The following PDLIM2 variants were observed in gnomAD, a reference collection of about 807,000 sequenced individuals.
The protein encoded by PDLIM2 is PDZ and LIM domain protein 2.
A neutral mutation model predicts 54.1 loss-of-function variants in PDLIM2; 51 were observed. The ratio of observed to expected loss-of-function variants is 0.94; its 90% CI spans 0.75 to 1.19. PDLIM2 has a LOEUF of 1.19. Ranked by LOEUF, PDLIM2 falls within the 50% of genes most tolerant of loss-of-function variation. The pLI, the probability that PDLIM2 is intolerant of heterozygous loss-of-function variation, is 0.00. For synonymous variants in PDLIM2, 398 were observed against 385.6 expected (o/e 1.03, Z -0.38); for missense variants, 912 against 874.0 (o/e 1.04, Z -0.55).
At chr8:22,590,049 T>G (rs1379476770) in intron 8 of PDLIM2, 1 of 385,994 alleles carries the variant, frequency 2.6e-6, no homozygotes, top group East Asian at 5.2e-5. Flanking sequence ...GGAGGGCTTC[T>G]TGGAGGAAGA....
intron 1 of PDLIM2, chr8:22,579,701 ATGGGTGCTGGGCAGGGTGGTGCCCAGCC>A (rs1417379886): frequency 2.6e-6 from 2 of 775,094 alleles, no homozygotes; most frequent in Non-Finnish European, 3.8e-6. Context: ...CAGCCCCAGG[ATGGGTGCTGGGCAGGGTGGTGCCCAGCC>A]TGGCACCGCG....
At chr8:22,593,937 C>A (rs1265435925) in exon 10 of PDLIM2, 4 of 1,544,006 alleles carry the variant, frequency 2.6e-6, no homozygotes, top group Non-Finnish European at 3.5e-6. Flanking sequence ...GCCTGCCTCA[C>A]TGCTGGGCCA....
At chr8:22,589,191 C>T (rs1482432135) in intron 6 of PDLIM2, 107 bp from the exon 6 acceptor site, 13 of 1,232,952 alleles carry the variant, frequency 1.1e-5, no homozygotes, top group Admixed American at 6.2e-5. Flanking sequence ...CGGCGAGGGC[C>T]GGGGGCCCCC....
chr8:22,583,957 C>G (rs1248074734), intron 3 of PDLIM2, among the ~76,000 whole-genome samples: 1 of 145,044 alleles, frequency 6.9e-6, no homozygotes, highest in African/African-American at 2.5e-5. Flanking sequence ...GTACGTTCTA[C>G]TTTTTAGAAC....
At chr8:22,583,727 A>G (rs1026311535) in intron 3 of PDLIM2, among the ~76,000 whole-genome samples, 1 of 151,946 alleles carries the variant, frequency 6.6e-6, no homozygotes, top group Non-Finnish European at 1.5e-5. Context: ...AGATTGCACC[A>G]CTGCGCTCCA....
chr8:22,584,170 ATT>A (rs573417233), intron 3 of PDLIM2, among the ~76,000 whole-genome samples: 29 of 139,562 alleles, frequency 2.1e-4, no homozygotes, highest in African/African-American at 3.7e-4. Context: ...GCTTGGCTAA[ATT>A]TTTTTTTTTT....
downstream of PDLIM2, chr8:22,594,885 C>A: frequency 2.1e-6 from 1 of 473,206 alleles, no homozygotes; most frequent in Non-Finnish European, 3.7e-6. Flanking sequence ...GTGATCATGC[C>A]ACTGCATTCC....
exon 10 of PDLIM2, chr8:22,593,892 C>T: frequency 6.5e-7 from 1 of 1,548,488 alleles, no homozygotes; most frequent in East Asian, 2.4e-5. Context: ...CACCTGCCAC[C>T]CTCAGCTCTC....
At chr8:22,581,210 C>T (rs1305535004) in intron 2 of PDLIM2, 169 bp from the exon 2 acceptor site, 14 of 852,582 alleles carry the variant, frequency 1.6e-5, no homozygotes, top group Non-Finnish European at 2.4e-5. Flanking sequence ...ACCTGCGCTC[C>T]TGGAGGGGAT....
rs1363238536 is a variant in PDLIM2 at position 22,582,499 on chromosome 8, AGG to A, written c.995+971_995+972del. ...TCCTCTGGGGTTCTCTGGAGGGACC[AGG>A]GCTCGGGGGAGGTAGGCCTGGGCTG... On this transcript the variant is annotated intron_variant, in intron 3 of 9. Transcript: ENST00000308354. 1.7e-4 allele frequency among the ~76,000 whole-genome samples: 26 copies of A among 151,396 alleles called. No individual in the cohort carries two copies. In the East Asian group the frequency reaches 4.9e-3, roughly 28 times the overall value.
At chr8:22,585,136 C>T (rs1800337844) in exon 5 of PDLIM2, 1 of 1,613,670 alleles carries the variant, frequency 6.2e-7, no homozygotes, top group Non-Finnish European at 8.5e-7. Context: ...GCAGCTCCCT[C>T]ACTGGAGAGG....
At chr8:22,584,221 C>T (rs895921675) in intron 3 of PDLIM2, among the ~76,000 whole-genome samples, 2 of 150,686 alleles carry the variant, frequency 1.3e-5, no homozygotes, top group African/African-American at 2.4e-5. Flanking sequence ...TTGTTGATGA[C>T]CAGGCTGGTC....
In PDLIM2 at chr8:22,579,529, T is replaced by A. The variant is rs1421984498; in HGVS notation, c.748+2T>A. On this transcript the variant is annotated splice_donor_variant, in intron 1 of 9. Transcript: ENST00000308354. LOFTEE classifies it high-confidence loss of function. ...CGGAGTCCACTGACCGGCTCAAAGGTCTGGGAATCTCGGGGCGGCCGCGAG... is the reference window on the plus strand; with the variant it reads ...CGGAGTCCACTGACCGGCTCAAAGGACTGGGAATCTCGGGGCGGCCGCGAG... 1.4e-6 allele frequency: 2 copies of A among 1,471,608 alleles called. No homozygotes were observed. The highest frequency in any genetic ancestry group is 1.8e-6 in the Non-Finnish European group (2 of 1,115,808). The allele number at this position is 1,471,608 out of a possible 1,614,324, so 91.2% of individuals were successfully genotyped here.
At chr8:22,592,077 C>CTTTTTTTTTTTTTTTTTTTTTTTTT (rs60908593) in intron 9 of PDLIM2, 1 of 95,188 alleles carries the variant, frequency 1.1e-5, no homozygotes, top group Non-Finnish European at 1.9e-5. Context: ...TCTTTCTTTT[C>CTTTTTTTTTTTTTTTTTTTTTTTTT]TTTTTTTTTT....
chr8:22,580,429 C>T (rs1036186419), intron 1 of PDLIM2, 46 bp from the exon 1 acceptor site: 24 of 1,420,088 alleles, frequency 1.7e-5, no homozygotes, highest in South Asian at 2.9e-5. Flanking sequence ...GAAGTGAAAC[C>T]GGGCTGAGGG....
chr8:22,584,530 T>G (rs1279139874), intron 3 of PDLIM2, among the ~76,000 whole-genome samples: 1 of 152,162 alleles, frequency 6.6e-6, no homozygotes, highest in Non-Finnish European at 1.5e-5. Flanking sequence ...AGGCTGGTCT[T>G]GAACTCTTGG....
At chr8:22,580,430 G>A (rs1244402255) in intron 1 of PDLIM2, 45 bp from the exon 1 acceptor site, 17 of 1,426,340 alleles carry the variant, frequency 1.2e-5, no homozygotes, top group East Asian at 5.1e-5. Context: ...AAGTGAAACC[G>A]GGCTGAGGGA....
rs1386240695 is a variant in PDLIM2, at chr8:22,584,669, T to A, written c.996-152T>A. On this transcript the variant is annotated intron_variant, in intron 3 of 9. Transcript: ENST00000308354. ...ATTGATGATAGTTGTTTGTCTTGAG[T>A]TTGACAAAGTTAAAAGTTGACAACC... 6.0e-6 allele frequency: 4 copies of A among 667,106 alleles called. No individual in the cohort carries two copies. In the East Asian group the frequency reaches 8.2e-5, roughly 14 times the overall value. The allele number at this position is 667,106 out of a possible 1,614,324, so 41.3% of individuals were successfully genotyped here. A position where few individuals can be genotyped will look rare whatever the true frequency, so the allele number is the denominator to read the frequency against.
intron 2 of PDLIM2, chr8:22,581,080 T>C (rs1800186800): frequency 2.5e-5 from 17 of 673,880 alleles, no homozygotes; most frequent in South Asian, 1.8e-4. Flanking sequence ...ACCTGCAAGG[T>C]GCGATTTGCA....
Sources: allele counts gnomAD v4.1 joint callset (sites outside exome capture counted in the v4.1 genomes callset), GRCh38; gene constraint gnomAD v4.1.1; transcripts MANE v1.5; gene names NCBI Gene and HGNC (gene_info 2026-07-23, HGNC 2026-07-21).